GNB1: variants seen among roughly 807,000 people sequenced by gnomAD.
GNB1 encodes the protein guanine nucleotide-binding protein G(I)/G(S)/G(T) subunit beta-1.
A neutral mutation model predicts 42.9 loss-of-function variants in GNB1; 2 were observed. The ratio of observed to expected loss-of-function variants is 0.05; its 90% confidence interval spans 0.02 to 0.15. GNB1 has a LOEUF of 0.15. Among genes scored for constraint, GNB1 ranks in the 10% least tolerant of loss-of-function variants. The probability of loss-of-function intolerance (pLI) is 1.00; values close to 1 mark genes in which losing one functional copy is unlikely to be tolerated. For synonymous variants in GNB1, 183 were observed against 174.7 expected (o/e 1.05, Z -0.38); for missense variants, 193 against 462.2 (o/e 0.42, Z 5.34).
In GNB1 at chr1:1,855,461, G is replaced by A. The variant is rs536421961; in HGVS notation, c.-95-16223C>T. ...TCACGCCTGTAATCCCAGCACTTTG[G>A]GAGGCCGAGGCGGGCGGATCACAAG... On this transcript the variant is annotated intron_variant, in intron 1 of 11. Transcript: ENST00000378609. 2.6e-5 allele frequency among the ~76,000 whole-genome samples: 4 copies of A among 152,276 alleles called. No homozygotes were observed. In the East Asian group the frequency reaches 7.7e-4, roughly 29 times the overall value.
intron 3 of GNB1, chr1:1,818,355 CCAA>C (rs1390528422): frequency 6.7e-6 from 1 of 149,784 alleles, no homozygotes; most frequent in African/African-American, 2.4e-5. Context: ...GATACCCAGC[CCAA>C]AAAAACTTTT....
intron 1 of GNB1, among the ~76,000 whole-genome samples, chr1:1,867,109 A>C (rs1456176425): frequency 1.3e-5 from 2 of 152,054 alleles, no homozygotes; most frequent in Admixed American, 1.3e-4. Flanking sequence ...TCTATTAAAA[A>C]TACAAAAATT....
At chr1:1,852,675 C>G (rs1301440102) in intron 1 of GNB1, among the ~76,000 whole-genome samples, 1 of 150,630 alleles carries the variant, frequency 6.6e-6, no homozygotes, top group African/African-American at 2.5e-5. Flanking sequence ...CAGTGAGACT[C>G]TGTCTCTTAA....
intron 5 of GNB1, among the ~76,000 whole-genome samples, chr1:1,815,480 G>GA (rs1646841297): frequency 6.6e-6 from 1 of 152,216 alleles, no homozygotes; most frequent in South Asian, 2.1e-4. Flanking sequence ...TCTAGAAACT[G>GA]AAAGAGACAG....
intron 1 of GNB1, among the ~76,000 whole-genome samples, chr1:1,878,961 G>A (rs1012409292): frequency 3.9e-5 from 6 of 152,158 alleles, no homozygotes; most frequent in Non-Finnish European, 2.9e-5. Flanking sequence ...TGGGTTCTGC[G>A]ACACTAGTGC....
intron 1 of GNB1, among the ~76,000 whole-genome samples, chr1:1,876,138 C>T (rs1404334546): frequency 6.6e-6 from 1 of 152,168 alleles, no homozygotes; most frequent in African/African-American, 2.4e-5. Context: ...ACCTTGATTT[C>T]AGACTTCTGT....
chr1:1,838,146 AGAGCT>A (rs1271252480), intron 2 of GNB1, among the ~76,000 whole-genome samples: 1 of 152,040 alleles, frequency 6.6e-6, no homozygotes, highest in Non-Finnish European at 1.5e-5. Context: ...GAGGTTGCAG[AGAGCT>A]GAGATTGCAC....
At chr1:1,868,438 G>A (rs957198482) in intron 1 of GNB1, among the ~76,000 whole-genome samples, 1 of 152,098 alleles carries the variant, frequency 6.6e-6, no homozygotes, top group Non-Finnish European at 1.5e-5. Flanking sequence ...CCAAAGCGCT[G>A]GGATTACAAG....
At chr1:1,837,551 G>A (rs1471250041) in intron 2 of GNB1, among the ~76,000 whole-genome samples, 1 of 147,898 alleles carries the variant, frequency 6.8e-6, no homozygotes, top group Non-Finnish European at 1.5e-5. Flanking sequence ...ACCATGCCTG[G>A]CCTTTTTGTT....
chr1:1,881,498 G>A (rs1430473170), intron 1 of GNB1, among the ~76,000 whole-genome samples: 1 of 151,704 alleles, frequency 6.6e-6, no homozygotes, highest in Non-Finnish European at 1.5e-5. Context: ...CCGCCTCCCA[G>A]ATTCAAGTGA....
At chr1:1,799,343 G>GT (rs373146056) in intron 7 of GNB1, among the ~76,000 whole-genome samples, 98 of 152,110 alleles carry the variant, frequency 6.4e-4, no homozygotes, top group Non-Finnish European at 1.1e-3. Context: ...ACTAATACCA[G>GT]TTTTTTTATT....
At chr1:1,873,994 GA>G (rs1330908310) in intron 1 of GNB1, among the ~76,000 whole-genome samples, 2 of 152,182 alleles carry the variant, frequency 1.3e-5, no homozygotes, top group African/African-American at 4.8e-5. Context: ...ACAGGGGAAG[GA>G]AAGATTCCCT....
chr1:1,864,779 A>C (rs1009915472), intron 1 of GNB1, among the ~76,000 whole-genome samples: 2 of 152,162 alleles, frequency 1.3e-5, no homozygotes, highest in Admixed American at 1.3e-4. Flanking sequence ...TCATCTCCCA[A>C]CACCTTTTAC....
intron 1 of GNB1, among the ~76,000 whole-genome samples, chr1:1,878,718 G>A (rs571693811): frequency 1.3e-5 from 2 of 152,222 alleles, no homozygotes; most frequent in Non-Finnish European, 2.9e-5. Context: ...CCCTGAATAC[G>A]CATTTTACAA....
At chr1:1,846,267 A>G (rs914064154) in intron 1 of GNB1, among the ~76,000 whole-genome samples, 4 of 152,062 alleles carry the variant, frequency 2.6e-5, no homozygotes, top group African/African-American at 4.8e-5. Context: ...GCCAATACAC[A>G]TAGAAGGAGT....
intron 1 of GNB1, among the ~76,000 whole-genome samples, chr1:1,888,065 A>G (rs1650253575): frequency 6.6e-6 from 1 of 152,238 alleles, no homozygotes; most frequent in African/African-American, 2.4e-5. Flanking sequence ...CAAAGAAAAA[A>G]CAATATTTTA....
chr1:1,789,218 T>A lies in GNB1; in HGVS notation c.751A>T (p.Arg251Trp). The change falls in exon 10 of 12, where the codon AGG (arginine) becomes TGG (tryptophan). Residue 251 changes from arginine to tryptophan, a missense_variant. By Grantham distance (101) the Arg-to-Trp change is moderately radical. Around this residue, in one of 2 missense-constraint regions of GNB1, gnomAD observed 150 missense variants for 410.8 expected, o/e 0.37. Transcript: ENST00000378609. The part of the protein sequence containing the change: ...FATGSDDATC[R>W]LFDLRADQEL... ...TGGTCAGCACGAAGGTCAAACAGCC[T>A]GCAGGTGGCGTCGTCTGAGCCAGTG... The A allele has an allele frequency of 6.2e-7, 1 of 1,613,700 alleles. No individual in the cohort carries two copies. The highest frequency in any genetic ancestry group is 8.5e-7 in the Non-Finnish European group (1 of 1,179,586).
chr1:1,821,938 C>A (rs371199164), intron 3 of GNB1, among the ~76,000 whole-genome samples: 2 of 152,128 alleles, frequency 1.3e-5, no homozygotes, highest in East Asian at 3.9e-4. Flanking sequence ...GAGTTCAAGA[C>A]CAGCTGGGGC....
At chr1:1,885,918 T>G (rs1251759022) in intron 1 of GNB1, among the ~76,000 whole-genome samples, 1 of 150,404 alleles carries the variant, frequency 6.6e-6, no homozygotes, top group Non-Finnish European at 1.5e-5. Context: ...AACAGAAAGC[T>G]TTTCTACCAC....
Sources: gnomAD v4.1 joint callset for allele counts (sites outside exome capture counted in the v4.1 genomes callset) on GRCh38, gnomAD v4.1.1 for gene constraint, gnomAD v4.1.1 regional missense constraint, MANE v1.5 for transcripts, NCBI Gene and HGNC (gene_info 2026-07-23, HGNC 2026-07-21) for gene names.